Variants in RNF212 observed in about 807,000 individuals in gnomAD.
RNF212 encodes the protein probable E3 SUMO-protein ligase RNF212.
RNF212 carries 33 observed loss-of-function variants against 34.7 expected under a neutral mutation model. That is an observed-to-expected ratio of 0.95 (90% CI 0.72 to 1.27). RNF212 has a LOEUF of 1.27. RNF212 is among the 50% of genes most tolerant of loss of function. The probability of loss-of-function intolerance (pLI) is 0.00; values close to 1 mark genes in which losing one functional copy is unlikely to be tolerated. For synonymous variants in RNF212, 140 were observed against 136.1 expected (o/e 1.03, Z -0.20); for missense variants, 377 against 362.2 (o/e 1.04, Z -0.33).
intron 2 of RNF212, among the ~76,000 whole-genome samples, chr4:1,098,106 A>C (rs1172766771): frequency 6.6e-6 from 1 of 152,088 alleles, no homozygotes; most frequent in Non-Finnish European, 1.5e-5. Flanking sequence ...AAAACAAAGA[A>C]AGGGACAAAC....
intron 3 of RNF212, chr4:1,093,254 T>C (rs2153053702): frequency 3.8e-6 from 2 of 526,148 alleles, no homozygotes; most frequent in African/African-American, 2.0e-5. Context: ...CAGAGAGCTT[T>C]GCTTATGTGG....
At chr4:1,083,507 G>C (rs745562832) in intron 5 of RNF212, among the ~76,000 whole-genome samples, 6 of 152,134 alleles carry the variant, frequency 3.9e-5, no homozygotes, top group African/African-American at 1.4e-4. Flanking sequence ...GCCAGGCGTG[G>C]TGGGGCTGTA....
chr4:1,085,750 C>T (rs921162856), intron 5 of RNF212, 146 bp downstream of exon 5: 1 of 668,188 alleles, frequency 1.5e-6, no homozygotes, highest in East Asian at 2.5e-5. Flanking sequence ...AGCATTTTTG[C>T]TCTGATGAAA....
chr4:1,086,286 C>T (rs1158916077), intron 4 of RNF212, among the ~76,000 whole-genome samples: 1 of 152,026 alleles, frequency 6.6e-6, no homozygotes, highest in Non-Finnish European at 1.5e-5. Context: ...CATACACGGC[C>T]ACTGCCAGCT....
At chr4:1,112,882 C>A (rs1376032758) in intron 1 of RNF212, among the ~76,000 whole-genome samples, 3 of 71,992 alleles carry the variant, frequency 4.2e-5, no homozygotes, top group Non-Finnish European at 8.6e-5. Flanking sequence ...CCCTTCCTCC[C>A]TGCAGCCCCC....
intron 4 of RNF212, chr4:1,056,884 G>T: frequency 2.0e-6 from 2 of 987,934 alleles, no homozygotes; most frequent in African/African-American, 1.7e-5. Flanking sequence ...TGGGCGGCCG[G>T]GGGGGCAGCC....
intron 3 of RNF212, among the ~76,000 whole-genome samples, chr4:1,061,114 G>A (rs1717722660): frequency 2.0e-5 from 3 of 152,336 alleles, no homozygotes; most frequent in Non-Finnish European, 2.9e-5. Context: ...GCAGCTTTGG[G>A]AGGAGCGGGA....
chr4:1,094,640 G>A (rs1432425376), intron 3 of RNF212, among the ~76,000 whole-genome samples: 1 of 152,120 alleles, frequency 6.6e-6, no homozygotes, highest in African/African-American at 2.4e-5. Context: ...GGGGGCCCAC[G>A]GAGCCAGCAT....
At chr4:1,110,213 TAGAA>T (rs1364975942) in intron 1 of RNF212, among the ~76,000 whole-genome samples, 4 of 151,978 alleles carry the variant, frequency 2.6e-5, no homozygotes, top group African/African-American at 7.3e-5. Context: ...ACTAGTCAAT[TAGAA>T]AGAAACACCT....
At chr4:1,109,262 T>C (rs1320632865) in intron 1 of RNF212, among the ~76,000 whole-genome samples, 2 of 151,596 alleles carry the variant, frequency 1.3e-5, no homozygotes, top group Non-Finnish European at 2.9e-5. Flanking sequence ...CCCACATCGG[T>C]CTCTCAAAGT....
At chr4:1,094,110 T>C (rs2153054510) in intron 3 of RNF212, 2 of 1,383,540 alleles carry the variant, frequency 1.4e-6, no homozygotes, top group Non-Finnish European at 1.9e-6. Flanking sequence ...CACAAGCCCA[T>C]GAAGGAGAGT....
At chr4:1,068,627 C>A (rs1293076453), downstream of RNF212, among the ~76,000 whole-genome samples, 1 of 152,206 alleles carries the variant, frequency 6.6e-6, no homozygotes, top group East Asian at 1.9e-4. Context: ...AACGCAGTCT[C>A]TTATTCTCAT....
At chr4:1,091,025 G>A (rs1450389775) in intron 3 of RNF212, among the ~76,000 whole-genome samples, 187 bp from the exon 4 acceptor site, 2 of 152,210 alleles carry the variant, frequency 1.3e-5, no homozygotes, top group Admixed American at 6.5e-5. Context: ...AAACACAGGG[G>A]AGGCTTAATG....
chr4:1,057,595 G>A (rs147660635), intron 4 of RNF212, among the ~76,000 whole-genome samples: 78 of 152,292 alleles, frequency 5.1e-4, no homozygotes, highest in Non-Finnish European at 9.8e-4. Context: ...TCTCAATACA[G>A]AGGTGGAGCT....
At chr4:1,108,716 G>A (rs1332191200) in intron 1 of RNF212, among the ~76,000 whole-genome samples, 1 of 151,884 alleles carries the variant, frequency 6.6e-6, no homozygotes, top group Non-Finnish European at 1.5e-5. Flanking sequence ...AATTTTTTTT[G>A]AGACAAGGTC....
At chr4:1,069,412 G>A (rs1718299005), downstream of RNF212, among the ~76,000 whole-genome samples, 1 of 152,178 alleles carries the variant, frequency 6.6e-6, no homozygotes, top group Non-Finnish European at 1.5e-5. Context: ...GAGGCAAAAG[G>A]TATCAGTGTC....
intron 3 of RNF212, chr4:1,093,771 G>A (rs1722586093): frequency 6.5e-7 from 1 of 1,536,332 alleles, no homozygotes. Context: ...GTGTGAATGA[G>A]GGTCCTGCTG....
intron 3 of RNF212, among the ~76,000 whole-genome samples, chr4:1,059,755 G>A (rs1186281367): frequency 6.6e-6 from 1 of 152,222 alleles, no homozygotes; most frequent in Non-Finnish European, 1.5e-5. Flanking sequence ...AATAACGATG[G>A]CAGGTATCTT....
chr4:1,080,999 A>AC (rs1168623740), intron 7 of RNF212, among the ~76,000 whole-genome samples: 1 of 152,062 alleles, frequency 6.6e-6, no homozygotes, highest in African/African-American at 2.4e-5. Context: ...TGTGTGAGGG[A>AC]CCCCCAGCCA....
Sources: gnomAD v4.1 joint callset for allele counts (sites outside exome capture counted in the v4.1 genomes callset) on GRCh38, gnomAD v4.1.1 for gene constraint, MANE v1.5 for transcripts, NCBI Gene and HGNC (gene_info 2026-07-23, HGNC 2026-07-21) for gene names.